CCDC127: variants seen among roughly 807,000 people sequenced by gnomAD.
CCDC127 encodes coiled-coil domain containing 127.
Under a neutral mutation model 4.1 loss-of-function variants are expected in CCDC127, and 2 were observed. The ratio of observed to expected loss-of-function variants is 0.49; its 90% CI spans 0.20 to 1.53. CCDC127 has a LOEUF of 1.53. Among genes scored for constraint, CCDC127 ranks in the 40% most tolerant of loss-of-function variants. CCDC127 has a pLI of 0.23. For missense variants in CCDC127, 271 were observed against 322.9 expected (o/e 0.84, Z 1.23); for synonymous variants, 98 against 120.4 (o/e 0.81, Z 1.22).
intron 2 of CCDC127, among the ~76,000 whole-genome samples, chr5:206,741 AT>A (rs147008762): frequency 6.6e-6 from 1 of 152,330 alleles, no homozygotes; most frequent in East Asian, 1.9e-4. Context: ...CTGCTCAATA[AT>A]TTCATGCATG....
Position 197,487 on chromosome 5 carries a change from G to A in CCDC127, c.*7810C>T, listed in dbSNP as rs539884957. On this transcript the variant is annotated 3_prime_UTR_variant, in exon 3 of 3. Transcript: ENST00000296824. The stretch of plus-strand genomic sequence containing the variant: ...TCCCTGCGGCTTTCCGCAGTGCATT[G>A]TGCCTCTGGTTTATTGAGACTAGAG... 5 of 152,342 alleles carry A rather than the reference G, an allele frequency of 3.3e-5. No homozygotes were observed. Among genetic ancestry groups the A allele is most frequent in the South Asian group, 4.1e-4 (2 of 4,826 alleles). The allele number at this position is 152,342 out of a possible 1,614,324, so 9.4% of individuals were successfully genotyped here. A position where few individuals can be genotyped will look rare whatever the true frequency, so the allele number is the denominator to read the frequency against.
At position 205,899 on chromosome 5, in the gene CCDC127, G is replaced by A. The variant is rs953759300; in HGVS notation, c.181C>T (p.Arg61Trp). 13 of 1,614,028 alleles carry A rather than the reference G, an allele frequency of 8.1e-6. No individual in the cohort carries two copies. In the Admixed American group the frequency reaches 8.3e-5, roughly 10 times the overall value. ...TCCTGTTGAAAAGCAGCAGTTCTCCGACGGTAGGCTTCTCTCTCTTTTTCT... is the reference window on the plus strand; with the variant it reads ...TCCTGTTGAAAAGCAGCAGTTCTCCAACGGTAGGCTTCTCTCTCTTTTTCT... Reference protein sequence around the residue: ...EVEKEREAYRRRTAAFQQDLE... With the variant: ...EVEKEREAYRWRTAAFQQDLE... The change falls in exon 3 of 3, where the codon CGG (arginine) becomes TGG (tryptophan). Residue 61 changes from arginine to tryptophan, a missense_variant. Around this residue, in one of 2 missense-constraint regions of CCDC127, gnomAD observed 265 missense variants for 270.9 expected, o/e 0.98. Transcript: ENST00000296824.
Position 197,149 on chromosome 5 carries a change from A to G in CCDC127, c.*8148T>C, listed in dbSNP as rs1733970528. 1 of 152,062 alleles carries G rather than the reference A, an allele frequency of 6.6e-6. No homozygotes were observed. The highest frequency in any genetic ancestry group is 1.5e-5 in the Non-Finnish European group (1 of 67,988). The allele number at this position is 152,062 out of a possible 1,614,324, so 9.4% of individuals were successfully genotyped here. On this transcript the variant is annotated 3_prime_UTR_variant, in exon 3 of 3. Transcript: ENST00000296824. ...ACCCAAACATCTCAGCAGAGTAAAG[A>G]ATAACAAGGCAGCATTGCCGCAAAC...
At chr5:208,763 G>T (rs1274797403) in intron 2 of CCDC127, among the ~76,000 whole-genome samples, 1 of 152,222 alleles carries the variant, frequency 6.6e-6, no homozygotes, top group African/African-American at 2.4e-5. Flanking sequence ...CCCTGCCAGG[G>T]CGCCATTCAA....
chr5:211,322 G>T (rs1734282993), intron 2 of CCDC127, among the ~76,000 whole-genome samples: 1 of 59,364 alleles, frequency 1.7e-5, no homozygotes, highest in Non-Finnish European at 3.5e-5. Flanking sequence ...GCCACGACGA[G>T]ACAGCACCAC....
intron 2 of CCDC127, among the ~76,000 whole-genome samples, chr5:213,651 A>G (rs1734320913): frequency 6.6e-6 from 1 of 152,192 alleles, no homozygotes; most frequent in Admixed American, 6.5e-5. Flanking sequence ...ACGATGAGAC[A>G]GCACCACACA....
chr5:206,792 C>A (rs1488582462), intron 2 of CCDC127, among the ~76,000 whole-genome samples: 2 of 152,202 alleles, frequency 1.3e-5, no homozygotes, highest in South Asian at 4.1e-4. Context: ...TTCCAAACAG[C>A]GACGTGTTCT....
intron 2 of CCDC127, among the ~76,000 whole-genome samples, chr5:210,929 C>G (rs1463754452): frequency 1.5e-5 from 1 of 64,740 alleles, no homozygotes; most frequent in Non-Finnish European, 2.7e-5. Flanking sequence ...ACTGTGAGCA[C>G]GCTGATGCTC....
In CCDC127 at chr5:205,794, G is replaced by T; in HGVS notation, c.286C>A (p.Gln96Lys). 1.2e-6 allele frequency: 2 copies of T among 1,614,050 alleles called. No individual in the cohort carries two copies. Among genetic ancestry groups the T allele is most frequent in the Non-Finnish European group, 1.7e-6 (2 of 1,180,016 alleles). Reference sequence around the variant, plus strand: ...TCTCGGTAACTAGCAGTTCTGTTTTGTTCCTTTTCGAGTTCCAAGGACAAC... The same window carrying T: ...TCTCGGTAACTAGCAGTTCTGTTTTTTTCCTTTTCGAGTTCCAAGGACAAC... ...AQLSLELEKE[Q>K]NRTASYREAL... The change falls in exon 3 of 3, where the codon CAA (glutamine) becomes AAA (lysine). Residue 96 changes from glutamine to lysine, a missense_variant. This residue lies in a region of CCDC127 where 265 missense variants were observed against 270.9 expected (regional missense o/e 0.98). Transcript: ENST00000296824.
chr5:196,902 G>A lies in CCDC127; in HGVS notation c.*8395C>T, dbSNP rs924475795. 79 of 150,152 alleles carry A rather than the reference G, an allele frequency of 5.3e-4. No individual in the cohort carries two copies. Among genetic ancestry groups the A allele is most frequent in the East Asian group, 1.4e-3 (7 of 5,134 alleles). 9.3% of individuals were successfully genotyped at this position (150,152 alleles called of 1,614,324 possible). A position where few individuals can be genotyped will look rare whatever the true frequency, so the allele number is the denominator to read the frequency against. On this transcript the variant is annotated 3_prime_UTR_variant, in exon 3 of 3. Coordinates refer to ENST00000296824, the MANE Select transcript of CCDC127 (RefSeq NM_145265.3). ...ACAACAGTGGGCCCAGGGGACCGGCGCTCAGCATACCAAGGACCTGCACTG... is the reference window on the plus strand; with the variant it reads ...ACAACAGTGGGCCCAGGGGACCGGCACTCAGCATACCAAGGACCTGCACTG...
Position 201,730 on chromosome 5 carries a change from G to T in CCDC127, c.*3567C>A, listed in dbSNP as rs1734080569. 1 of 152,190 alleles carries T rather than the reference G, an allele frequency of 6.6e-6. No homozygotes were observed. Among genetic ancestry groups the T allele is most frequent in the Non-Finnish European group, 1.5e-5 (1 of 68,050 alleles). The allele number at this position is 152,190 out of a possible 1,614,324, so 9.4% of individuals were successfully genotyped here. A position where few individuals can be genotyped will look rare whatever the true frequency, so the allele number is the denominator to read the frequency against. Reference sequence around the variant, plus strand: ...CCTTCGAACTTCATTCCAAAGTCAAGTCTGAAGCAAGCGAAATTAGAAAGT... The same window carrying T: ...CCTTCGAACTTCATTCCAAAGTCAATTCTGAAGCAAGCGAAATTAGAAAGT... On this transcript the variant is annotated 3_prime_UTR_variant, in exon 3 of 3. Transcript: ENST00000296824.
At position 201,459 on chromosome 5, in the gene CCDC127, T is replaced by C. The variant is rs540863683; in HGVS notation, c.*3838A>G. On this transcript the variant is annotated 3_prime_UTR_variant, in exon 3 of 3. Coordinates refer to ENST00000296824, the MANE Select transcript of CCDC127 (RefSeq NM_145265.3). ...CAGATCATTTGGTGAAGTTTTTCCGTTGAAACACCCCATAATTGGTGCAAG... is the reference window on the plus strand; with the variant it reads ...CAGATCATTTGGTGAAGTTTTTCCGCTGAAACACCCCATAATTGGTGCAAG... 6.6e-6 allele frequency: 1 copy of C among 152,340 alleles called. No individual in the cohort carries two copies. The highest frequency in any genetic ancestry group is 6.5e-5 in the Admixed American group (1 of 15,300). The allele number at this position is 152,340 out of a possible 1,614,324, so 9.4% of individuals were successfully genotyped here.
intron 2 of CCDC127, among the ~76,000 whole-genome samples, chr5:213,135 C>G (rs1232696705): frequency 7.2e-4 from 45 of 62,768 alleles, no homozygotes; most frequent in Middle Eastern, 9.3e-3. Flanking sequence ...ACACCCATCA[C>G]GATGGGGCAG....
At position 205,782 on chromosome 5, in the gene CCDC127, C is replaced by T. The variant is rs776307327; in HGVS notation, c.298G>A (p.Ala100Thr). The T allele has an allele frequency of 5.0e-6, 8 of 1,614,072 alleles. No homozygotes were observed. The highest frequency in any genetic ancestry group is 3.3e-5 in the Admixed American group (2 of 59,996). The change falls in exon 3 of 3, where the codon GCT (alanine) becomes ACT (threonine). Residue 100 changes from alanine (A) to threonine (T), a missense_variant. By Grantham distance (58) the Ala-to-Thr change is moderately conservative (BLOSUM62 0). Around this residue, in one of 2 missense-constraint regions of CCDC127, gnomAD observed 265 missense variants for 270.9 expected, o/e 0.98. Transcript: ENST00000296824. The stretch of plus-strand genomic sequence containing the variant: ...GAGATAAGGGCTTCTCGGTAACTAG[C>T]AGTTCTGTTTTGTTCCTTTTCGAGT... ...LELEKEQNRTASYREALISQG... is the reference protein window; with the variant it reads ...LELEKEQNRTTSYREALISQG...
chr5:210,539 T>C (rs1734263282), intron 2 of CCDC127, among the ~76,000 whole-genome samples: 1 of 152,126 alleles, frequency 6.6e-6, no homozygotes, highest in South Asian at 2.1e-4. Flanking sequence ...CGTGAAGAGG[T>C]GCTCGACATC....
Position 197,084 on chromosome 5 carries a change from T to A in CCDC127, c.*8213A>T, listed in dbSNP as rs183419174. Reference sequence around the variant, plus strand: ...TAATTAAGTTCAAGGGAAGGTACTATGCCTGGACGTGCACGTAGGCCAGAT... The same window carrying A: ...TAATTAAGTTCAAGGGAAGGTACTAAGCCTGGACGTGCACGTAGGCCAGAT... On this transcript the variant is annotated 3_prime_UTR_variant, in exon 3 of 3. Coordinates refer to ENST00000296824, the MANE Select transcript of CCDC127 (RefSeq NM_145265.3). 4.5e-4 allele frequency: 68 copies of A among 152,046 alleles called. No homozygotes were observed. The highest frequency in any genetic ancestry group is 1.6e-3 in the African/African-American group (65 of 41,394). The allele number at this position is 152,046 out of a possible 1,614,324, so 9.4% of individuals were successfully genotyped here.
chr5:201,263 G>A lies in CCDC127; in HGVS notation c.*4034C>T, dbSNP rs1734070827. 2 of 152,246 alleles carry A rather than the reference G, an allele frequency of 1.3e-5. No homozygotes were observed. The highest frequency in any genetic ancestry group is 4.8e-5 in the African/African-American group (2 of 41,448). The allele number at this position is 152,246 out of a possible 1,614,324, so 9.4% of individuals were successfully genotyped here. A position where few individuals can be genotyped will look rare whatever the true frequency, so the allele number is the denominator to read the frequency against. ...TGTCACAGGTGTAGTCTTCAGACTT[G>A]CTTTTATGTAGCAAACCTAATATGT... On this transcript the variant is annotated 3_prime_UTR_variant, in exon 3 of 3. Transcript: ENST00000296824.
At chr5:209,884 C>CA (rs199828738) in intron 2 of CCDC127, among the ~76,000 whole-genome samples, 1,704 of 149,700 alleles carry the variant, frequency 0.011, 32 homozygotes, top group African/African-American at 0.039. Flanking sequence ...TCAATTGAAA[C>CA]CAAAAAAAAA....
chr5:203,619 T>G lies in CCDC127; in HGVS notation c.*1678A>C, dbSNP rs1007654556. On this transcript the variant is annotated 3_prime_UTR_variant, in exon 3 of 3. Coordinates refer to ENST00000296824, the MANE Select transcript of CCDC127 (RefSeq NM_145265.3). The stretch of plus-strand genomic sequence containing the variant: ...CTATGAGCTTAGGATTTTTAACAGT[T>G]GCTCCTACTCCCGTACAGACGGGCA... 6.6e-6 allele frequency: 1 copy of G among 152,212 alleles called. No homozygotes were observed. The highest frequency in any genetic ancestry group is 6.5e-5 in the Admixed American group (1 of 15,286). The allele number at this position is 152,212 out of a possible 1,614,324, so 9.4% of individuals were successfully genotyped here.
Sources: allele counts gnomAD v4.1 joint callset (sites outside exome capture counted in the v4.1 genomes callset), GRCh38; gene constraint gnomAD v4.1.1; regional missense constraint gnomAD v4.1.1; transcripts MANE v1.5; gene names NCBI Gene and HGNC (gene_info 2026-07-23, HGNC 2026-07-21).